PDE10A: variants seen among roughly 807,000 people sequenced by gnomAD.
PDE10A encodes cAMP and cAMP-inhibited cGMP 3',5'-cyclic phosphodiesterase 10A.
In PDE10A, 39 loss-of-function variants were observed where a neutral mutation model predicts 97.7. That is an observed-to-expected ratio of 0.40 (90% confidence interval 0.31 to 0.52). The LOEUF (loss-of-function observed/expected upper bound fraction) is 0.52. PDE10A is among the 20% of genes least tolerant of loss of function. PDE10A has a pLI of 0.56. For missense variants in PDE10A, 731 were observed against 1,047.8 expected, an observed-to-expected ratio of 0.70 and a Z score of 4.17; for synonymous variants, 371 against 376.8, an observed-to-expected ratio of 0.98 and a Z score of 0.18.
intron 1 of PDE10A, among the ~76,000 whole-genome samples, chr6:165,610,561 G>T (rs990556297): frequency 4.6e-5 from 7 of 151,780 alleles, no homozygotes; most frequent in African/African-American, 1.7e-4. Flanking sequence ...AAAGAAATGG[G>T]GAAAGGATTC....
chr6:165,576,629 C>G lies in PDE10A; in HGVS notation c.866-33061G>C, dbSNP rs1369603792. The stretch of plus-strand genomic sequence containing the variant: ...AACCTACTTGAATCTTCTCCCTCTT[C>G]TCCTCCTTCACCTCCCTCTTTCATA... On this transcript the variant is annotated intron_variant, in intron 1 of 21. Transcript: ENST00000539869. Among the ~76,000 whole-genome samples, 6 of 152,168 alleles carry G rather than the reference C, an allele frequency of 3.9e-5. No individual in the cohort carries two copies. The East Asian group carries it at 7.7e-4, about 20-fold the overall frequency.
chr6:165,597,142 A>G (rs115824328), intron 1 of PDE10A, among the ~76,000 whole-genome samples: 1,659 of 152,188 alleles, frequency 0.011, 37 homozygotes, highest in African/African-American at 0.037. Context: ...CCTTTAATGC[A>G]GGTATCCTGG....
intron 1 of PDE10A, among the ~76,000 whole-genome samples, chr6:165,691,005 G>A (rs1168248954): frequency 6.7e-6 from 1 of 150,010 alleles, no homozygotes; most frequent in Non-Finnish European, 1.5e-5. Context: ...CTCACTGACT[G>A]CAGATCTTGG....
intron 1 of PDE10A, among the ~76,000 whole-genome samples, chr6:165,835,152 G>T (rs1167711720): frequency 6.6e-6 from 1 of 152,192 alleles, no homozygotes; most frequent in African/African-American, 2.4e-5. Flanking sequence ...GAAACTGCAG[G>T]TCATCACAAG....
At chr6:165,936,842 C>A (rs75857594) in intron 1 of PDE10A, among the ~76,000 whole-genome samples, 6,575 of 152,176 alleles carry the variant, frequency 0.043, 197 homozygotes, top group Non-Finnish European at 0.061. Flanking sequence ...TGTGAATCAT[C>A]GCCACTCTTC....
At chr6:165,664,178 G>A (rs1380359556), upstream of PDE10A, among the ~76,000 whole-genome samples, 9 of 152,136 alleles carry the variant, frequency 5.9e-5, no homozygotes, top group Admixed American at 5.2e-4. Context: ...AGCGCCAGGC[G>A]TGCGCTACAG....
intron 20 of PDE10A, among the ~76,000 whole-genome samples, chr6:165,338,103 C>G (rs16897688): frequency 1.3e-5 from 2 of 152,108 alleles, no homozygotes. Flanking sequence ...GCAGTAAACA[C>G]GATAGGTATT....
Position 165,606,469 on chromosome 6 carries a change from A to AG in PDE10A, c.865+55477dup, listed in dbSNP as rs1229400737. On this transcript the variant is annotated intron_variant, in intron 1 of 21. Transcript: ENST00000539869. The stretch of plus-strand genomic sequence containing the variant: ...GCAGAACAGCACTGGCTACCACAGC[A>AG]GGGGATGGGAGCGTGGGAAAGTGAG... Among the ~76,000 whole-genome samples, 19 of 152,272 alleles carry AG rather than the reference A, an allele frequency of 1.2e-4. No homozygotes were observed. In the South Asian group the frequency reaches 3.7e-3, roughly 30 times the overall value.
At chr6:165,354,318 T>C (rs1782887485) in intron 18 of PDE10A, among the ~76,000 whole-genome samples, 1 of 152,100 alleles carries the variant, frequency 6.6e-6, no homozygotes, top group Non-Finnish European at 1.5e-5. Flanking sequence ...TCATCAGCCA[T>C]CCTGAATAAA....
intron 1 of PDE10A, among the ~76,000 whole-genome samples, chr6:165,636,888 A>G (rs1461294756): frequency 2.0e-5 from 3 of 152,172 alleles, no homozygotes; most frequent in Non-Finnish European, 4.4e-5. Flanking sequence ...CACTTTTAGT[A>G]TCTGTAAAAT....
At chr6:165,406,244 G>GTGTGTGTGTGTGTGTT (rs1211679585) in intron 13 of PDE10A, among the ~76,000 whole-genome samples, 1 of 151,540 alleles carries the variant, frequency 6.6e-6, no homozygotes, top group Non-Finnish European at 1.5e-5. Context: ...GTGTGTGTGT[G>GTGTGTGTGTGTGTGTT]TGTGTGTGTG....
chr6:165,714,815 C>T (rs6901309), intron 1 of PDE10A, among the ~76,000 whole-genome samples: 98,276 of 152,124 alleles, frequency 0.65, 32,162 homozygotes, highest in South Asian at 0.75. Context: ...AAAGTGGTGG[C>T]GGATTGTGGC....
rs533967201 is a variant in PDE10A, at chr6:165,569,252, T to C, written c.866-25684A>G. ...TTGAACAGCATTGTTGTAGGGGCCTTTTTTTCTCCTTACTCAAGGACATAA... is the reference window on the plus strand; with the variant it reads ...TTGAACAGCATTGTTGTAGGGGCCTCTTTTTCTCCTTACTCAAGGACATAA... On this transcript the variant is annotated intron_variant, in intron 1 of 21. Coordinates refer to ENST00000539869, the MANE Select transcript of PDE10A (RefSeq NM_001385079.1). Among the ~76,000 whole-genome samples, 100 of 152,318 alleles carry C rather than the reference T, an allele frequency of 6.6e-4. 1 individual carries two copies. Among genetic ancestry groups the C allele is most frequent in the African/African-American group, 2.3e-3 (95 of 41,576 alleles).
chr6:165,625,843 T>C (rs1458493671), intron 1 of PDE10A, among the ~76,000 whole-genome samples: 1 of 152,200 alleles, frequency 6.6e-6, no homozygotes, highest in Non-Finnish European at 1.5e-5. Context: ...GGTATGTCTT[T>C]ATCAACAGCA....
chr6:165,946,126 G>A (rs971536379), intron 1 of PDE10A, among the ~76,000 whole-genome samples: 1 of 152,170 alleles, frequency 6.6e-6, no homozygotes, highest in African/African-American at 2.4e-5. Flanking sequence ...CATTGGTCAC[G>A]GGTTAGGAAG....
intron 1 of PDE10A, among the ~76,000 whole-genome samples, chr6:165,754,549 C>A (rs1793074736): frequency 1.3e-5 from 2 of 152,050 alleles, no homozygotes; most frequent in Admixed American, 6.5e-5. Flanking sequence ...GAGATATAGG[C>A]AACCAAAAGT....
chr6:165,826,547 G>A (rs138619649), intron 1 of PDE10A, among the ~76,000 whole-genome samples: 47 of 150,900 alleles, frequency 3.1e-4, no homozygotes, highest in African/African-American at 1.1e-3. Context: ...CTCTGTCCCC[G>A]TCTCTCTCTC....
intron 1 of PDE10A, among the ~76,000 whole-genome samples, chr6:165,870,747 T>C (rs1328553111): frequency 6.6e-6 from 1 of 152,198 alleles, no homozygotes; most frequent in East Asian, 1.9e-4. Flanking sequence ...ATGTGGTATA[T>C]ATACACAATG....
intron 1 of PDE10A, among the ~76,000 whole-genome samples, chr6:165,790,644 T>C (rs917658778): frequency 3.3e-5 from 5 of 152,072 alleles, no homozygotes; most frequent in Non-Finnish European, 7.4e-5. Flanking sequence ...GGATGTTTCC[T>C]AATGGGCTGT....
Sources: allele counts gnomAD v4.1 joint callset (sites outside exome capture counted in the v4.1 genomes callset), GRCh38; gene constraint gnomAD v4.1.1; transcripts MANE v1.5; gene names NCBI Gene and HGNC (gene_info 2026-07-23, HGNC 2026-07-21).